Variants in SLC66A3 observed in about 807,000 individuals in gnomAD.
The protein encoded by SLC66A3 is PQ loop repeat containing 3.
A neutral mutation model predicts 25.5 loss-of-function variants in SLC66A3; 23 were observed. That is an observed-to-expected ratio of 0.90 (90% CI 0.65 to 1.28). The LOEUF (loss-of-function observed/expected upper bound fraction) is 1.28, where lower values mean the gene tolerates loss of function less well. Ranked by LOEUF, SLC66A3 falls within the 50% of genes most tolerant of loss-of-function variation. SLC66A3 has a pLI of 0.00. For synonymous variants in SLC66A3, 108 were observed against 112.6 expected, an observed-to-expected ratio of 0.96 and a Z score of 0.26; for missense variants, 246 against 262.1, an observed-to-expected ratio of 0.94 and a Z score of 0.42.
intron 4 of SLC66A3, 84 bp downstream of exon 4, chr2:11,164,345 A>ATATATATATATATATAT: frequency 2.2e-5 from 2 of 90,892 alleles, no homozygotes; most frequent in African/African-American, 9.2e-5. Flanking sequence ...ATATATATAT[A>ATATATATATATATATAT]TTTTTTTTTT....
chr2:11,155,939 A>G (rs1278351643), intron 1 of SLC66A3, among the ~76,000 whole-genome samples: 1 of 152,234 alleles, frequency 6.6e-6, no homozygotes, highest in Non-Finnish European at 1.5e-5. Flanking sequence ...CCCATTTTAC[A>G]GATGAGAAAA....
intron 6 of SLC66A3, among the ~76,000 whole-genome samples, chr2:11,177,075 A>C (rs1230593619): frequency 6.6e-6 from 1 of 152,182 alleles, no homozygotes; most frequent in Non-Finnish European, 1.5e-5. Context: ...ATCTTAACAG[A>C]GTATGTTAAA....
chr2:11,176,937 T>G (rs934747690), intron 6 of SLC66A3, among the ~76,000 whole-genome samples: 2 of 152,218 alleles, frequency 1.3e-5, no homozygotes, highest in African/African-American at 2.4e-5. Flanking sequence ...ATCCGTACCT[T>G]AAAGTAGAAG....
At chr2:11,175,474 T>C (rs1158028719) in intron 6 of SLC66A3, among the ~76,000 whole-genome samples, 2 of 152,088 alleles carry the variant, frequency 1.3e-5, no homozygotes, top group Non-Finnish European at 2.9e-5. Context: ...AGGAGCAGCA[T>C]TGTGAAGGTC....
chr2:11,169,152 C>CATAGCCA (rs754554049), intron 4 of SLC66A3, among the ~76,000 whole-genome samples: 21 of 152,148 alleles, frequency 1.4e-4, no homozygotes, highest in Non-Finnish European at 2.8e-4. Context: ...GCCACTGCAC[C>CATAGCCA]CTGCCTCCCT....
chr2:11,162,264 C>G (rs1346316467), intron 3 of SLC66A3, among the ~76,000 whole-genome samples: 1 of 152,204 alleles, frequency 6.6e-6, no homozygotes, highest in Non-Finnish European at 1.5e-5. Flanking sequence ...GTGGCAAGCT[C>G]TGCTGCCTCA....
intron 6 of SLC66A3, among the ~76,000 whole-genome samples, chr2:11,177,333 A>G (rs560178484): frequency 1.6e-4 from 24 of 152,082 alleles, no homozygotes; most frequent in Admixed American, 7.9e-4. Context: ...GGTGGTGGGC[A>G]CCTGTCATCC....
At chr2:11,172,806 G>A (rs758081354) in intron 5 of SLC66A3, 1 of 415,678 alleles carries the variant, frequency 2.4e-6, no homozygotes, top group Non-Finnish European at 4.9e-6. Flanking sequence ...ACTCACTGCG[G>A]GTTTCCAAGT....
intron 4 of SLC66A3, among the ~76,000 whole-genome samples, chr2:11,166,460 C>T (rs1662348068): frequency 6.6e-6 from 1 of 152,206 alleles, no homozygotes; most frequent in African/African-American, 2.4e-5. Flanking sequence ...TTTCCCCTTT[C>T]CCCCAACATC....
At chr2:11,173,282 C>T (rs1219999592) in intron 5 of SLC66A3, among the ~76,000 whole-genome samples, 1 of 152,182 alleles carries the variant, frequency 6.6e-6, no homozygotes, top group Admixed American at 6.5e-5. Flanking sequence ...AGCCACTGCA[C>T]CTGGCCCTGT....
chr2:11,167,683 C>CCACCAGGG (rs1662391972), intron 4 of SLC66A3, among the ~76,000 whole-genome samples: 1 of 152,190 alleles, frequency 6.6e-6, no homozygotes, highest in Non-Finnish European at 1.5e-5. Flanking sequence ...CACGCACCTG[C>CCACCAGGG]TCTGAGGTAC....
intron 3 of SLC66A3, 63 bp from the exon 4 acceptor site, chr2:11,164,141 G>A: frequency 2.0e-6 from 2 of 1,004,922 alleles, no homozygotes; most frequent in Non-Finnish European, 3.1e-6. Flanking sequence ...GTTTGTATAT[G>A]TGAGATGGGA....
intron 6 of SLC66A3, among the ~76,000 whole-genome samples, chr2:11,176,503 A>T (rs1662748848): frequency 6.9e-6 from 1 of 144,902 alleles, no homozygotes; most frequent in South Asian, 2.2e-4. Context: ...GGCGTGTGCC[A>T]CCGCGCCCGG....
intron 3 of SLC66A3, among the ~76,000 whole-genome samples, chr2:11,161,867 A>G (rs755847819): frequency 6.6e-6 from 1 of 152,202 alleles, no homozygotes; most frequent in Non-Finnish European, 1.5e-5. Flanking sequence ...GTCCTGCCAC[A>G]TCTGTGAAAT....
chr2:11,171,202 C>T (rs1558257981), intron 4 of SLC66A3, among the ~76,000 whole-genome samples: 1 of 152,076 alleles, frequency 6.6e-6, no homozygotes, highest in African/African-American at 2.4e-5. Flanking sequence ...CCTGTACTCC[C>T]AGCTACTTGA....
intron 4 of SLC66A3, among the ~76,000 whole-genome samples, chr2:11,169,676 C>T (rs1276917735): frequency 2.0e-5 from 3 of 151,950 alleles, no homozygotes; most frequent in East Asian, 1.9e-4. Flanking sequence ...CCTTGCCTGA[C>T]GACTGAGCCT....
In SLC66A3 at chr2:11,174,927, C is replaced by T. The variant is rs199723974; in HGVS notation, c.476-41C>T. 26 of 1,530,988 alleles carry T rather than the reference C, an allele frequency of 1.7e-5. No homozygotes were observed. In the African/African-American group the frequency reaches 1.8e-4, roughly 11 times the overall value. 94.8% of individuals were successfully genotyped at this position (1,530,988 alleles called of 1,614,324 possible). The stretch of plus-strand genomic sequence containing the variant: ...ATTATTAGCTAAGCCCCAAAATGTC[C>T]GAGAGGCAAGTTACTTATTGCTGCA... On this transcript the variant is annotated intron_variant, in intron 5 of 6. Coordinates refer to ENST00000295083, the MANE Select transcript of SLC66A3 (RefSeq NM_152391.5).
intron 4 of SLC66A3, 84 bp downstream of exon 4, chr2:11,164,345 A>ATATATATTTTTTTTTTTTTTTTT: frequency 7.5e-5 from 7 of 92,814 alleles, no homozygotes; most frequent in Non-Finnish European, 1.2e-4. Flanking sequence ...ATATATATAT[A>ATATATATTTTTTTTTTTTTTTTT]TTTTTTTTTT....
chr2:11,155,553 G>A lies in SLC66A3; in HGVS notation c.7G>A (p.Ala3Thr). Residue 3 changes from alanine (A) to threonine (T), a missense_variant, in exon 1 of 7, where the codon GCG becomes ACG. Ala to Thr is a moderately conservative substitution (Grantham distance 58, BLOSUM62 0). Transcript: ENST00000295083. MEAALLGLCNWST... is the reference protein window; with the variant it reads METALLGLCNWST... ...TGCCCGCGCCCGTGGCGCTATGGAG[G>A]CGGCGCTGCTGGGGCTGTGTAACTG... 1.3e-6 allele frequency: 2 copies of A among 1,501,056 alleles called. No individual in the cohort carries two copies. The highest frequency in any genetic ancestry group is 2.8e-5 in the East Asian group (1 of 35,530). 93.0% of individuals were successfully genotyped at this position (1,501,056 alleles called of 1,614,324 possible). A position where few individuals can be genotyped will look rare whatever the true frequency, so the allele number is the denominator to read the frequency against.
Sources: gnomAD v4.1 joint callset for allele counts (sites outside exome capture counted in the v4.1 genomes callset) on GRCh38, gnomAD v4.1.1 for gene constraint, MANE v1.5 for transcripts, NCBI Gene and HGNC (gene_info 2026-07-23, HGNC 2026-07-21) for gene names.